ZNF284: variants seen among roughly 807,000 people sequenced by gnomAD.
ZNF284 encodes the protein zinc finger protein 284.
Under a neutral mutation model 12.9 loss-of-function variants are expected in ZNF284, and 12 were observed. The observed-to-expected ratio is 0.93, with a 90% CI of 0.60 to 1.51. The LOEUF (loss-of-function observed/expected upper bound fraction) is 1.51, where lower values mean the gene tolerates loss of function less well. Ranked by LOEUF, ZNF284 falls within the 40% of genes most tolerant of loss-of-function variation. The pLI, the probability that ZNF284 is intolerant of heterozygous loss-of-function variation, is 0.00. For missense variants in ZNF284, 667 were observed against 707.3 expected (o/e 0.94, Z 0.65); for synonymous variants, 225 against 236.5 (o/e 0.95, Z 0.45).
In ZNF284 at chr19:44,086,173, A is replaced by T. The variant is rs772752275; in HGVS notation, c.695A>T (p.Lys232Ile). 1.2e-6 allele frequency: 2 copies of T among 1,614,182 alleles called. No homozygotes were observed. The highest frequency in any genetic ancestry group is 1.7e-6 in the Non-Finnish European group (2 of 1,180,024). ...QRIHTGEKPF[K>I]CEQCGKSFSR... ...ATCCACACTGGAGAGAAACCATTCAAATGTGAGCAGTGTGGGAAAAGTTTC... is the reference window on the plus strand; with the variant it reads ...ATCCACACTGGAGAGAAACCATTCATATGTGAGCAGTGTGGGAAAAGTTTC... Residue 232 changes from lysine (K) to isoleucine (I), a missense_variant, in exon 5 of 5, where the codon AAA becomes ATA. Coordinates refer to ENST00000421176, the MANE Select transcript of ZNF284 (RefSeq NM_001037813.4).
chr19:44,082,829 T>C (rs972341389), intron 4 of ZNF284, among the ~76,000 whole-genome samples: 2 of 152,188 alleles, frequency 1.3e-5, no homozygotes, highest in Non-Finnish European at 2.9e-5. Flanking sequence ...CCCTTGCGAT[T>C]GGATTGGTCA....
Position 44,085,760 on chromosome 19 carries a change from A to C in ZNF284, c.282A>C (p.Pro94=), listed in dbSNP as rs770556107. 2 of 1,614,140 alleles carry C rather than the reference A, an allele frequency of 1.2e-6. No homozygotes were observed. The highest frequency in any genetic ancestry group is 1.7e-6 in the Non-Finnish European group (2 of 1,179,996). ...TELESVPETG[P]HEEWSCQQIW... is the part of the protein sequence containing the mutation. ...TGGAGTCTGTTCCAGAAACAGGACC[A>C]CATGAAGAGTGGTCTTGCCAGCAAA... is the stretch of plus-strand genomic sequence containing the variant. The change falls in exon 5 of 5, where the codon CCA becomes CCC. Residue 94 remains proline, a synonymous_variant. Transcript: ENST00000421176.
At position 44,086,287 on chromosome 19, in the gene ZNF284, A is replaced by C; in HGVS notation, c.809A>C (p.His270Pro). 6.2e-7 allele frequency: 1 copy of C among 1,614,188 alleles called. No homozygotes were observed. Among genetic ancestry groups the C allele is most frequent in the Middle Eastern group, 1.6e-4 (1 of 6,062 alleles). Residue 270 changes from histidine (H) to proline (P), a missense_variant, in exon 5 of 5, where the codon CAC (histidine) becomes CCC (proline). His to Pro is a moderately conservative substitution (Grantham distance 77). Transcript: ENST00000421176. ...ICEECGKAFIHNSQLREHQRI... is the reference protein window; with the variant it reads ...ICEECGKAFIPNSQLREHQRI... ...GAGGAATGTGGGAAGGCCTTCATTCACAATTCCCAGCTTCGGGAACATCAA... is the reference window on the plus strand; with the variant it reads ...GAGGAATGTGGGAAGGCCTTCATTCCCAATTCCCAGCTTCGGGAACATCAA...
chr19:44,081,071 G>A lies in ZNF284; in HGVS notation c.72G>A (p.Leu24=). Residue 24 remains leucine (L), a synonymous_variant, in exon 3 of 5, where the codon CTG becomes CTA. Coordinates refer to ENST00000421176, the MANE Select transcript of ZNF284 (RefSeq NM_001037813.4). ...TCTTCACCGAGGAGGAGCTGGGGCTGCTGGACGTTTCCCAGAGGAAGCTGT... is the reference window on the plus strand; with the variant it reads ...TCTTCACCGAGGAGGAGCTGGGGCTACTGGACGTTTCCCAGAGGAAGCTGT... ...AVVFTEEELG[L]LDVSQRKLYR... 6.2e-7 allele frequency: 1 copy of A among 1,613,156 alleles called. No homozygotes were observed. Among genetic ancestry groups the A allele is most frequent in the Non-Finnish European group, 8.5e-7 (1 of 1,179,402 alleles).
At chr19:44,083,829 G>A (rs1462500971) in intron 4 of ZNF284, among the ~76,000 whole-genome samples, 1 of 152,076 alleles carries the variant, frequency 6.6e-6, no homozygotes, top group Non-Finnish European at 1.5e-5. Flanking sequence ...GGGTGGGCCA[G>A]TCCTGAGGCC....
rs960561907 is a variant in ZNF284, at chr19:44,086,012, T to G, written c.534T>G (p.Asn178Lys). The change falls in exon 5 of 5, where the codon AAT becomes AAG. Residue 178 changes from asparagine to lysine, a missense_variant. Physicochemically the swap from Asn to Lys is moderately conservative, Grantham distance 94. Coordinates refer to ENST00000421176, the MANE Select transcript of ZNF284 (RefSeq NM_001037813.4). Reference protein sequence around the residue: ...LHSGKISHTCNEYRKRFCYSS... With the variant: ...LHSGKISHTCKEYRKRFCYSS... The stretch of plus-strand genomic sequence containing the variant: ...CAGGAAAGATATCCCATACATGTAA[T>G]GAGTACAGGAAGAGATTCTGTTATA... The G allele has an allele frequency of 1.1e-5, 18 of 1,614,046 alleles. No individual in the cohort carries two copies. Among genetic ancestry groups the G allele is most frequent in the Non-Finnish European group, 1.4e-5 (17 of 1,180,034 alleles).
intron 1 of ZNF284, among the ~76,000 whole-genome samples, chr19:44,073,476 G>C (rs926446541): frequency 1.3e-5 from 2 of 152,010 alleles, no homozygotes; most frequent in Non-Finnish European, 2.9e-5. Flanking sequence ...GGAGAAATAC[G>C]AGTAGTACAA....
chr19:44,083,972 A>G (rs569853699), intron 4 of ZNF284, among the ~76,000 whole-genome samples: 1 of 152,302 alleles, frequency 6.6e-6, no homozygotes, highest in African/African-American at 2.4e-5. Flanking sequence ...TTAGGTCTCC[A>G]GACAGCATGC....
chr19:44,077,315 A>G (rs1967046385), intron 2 of ZNF284, among the ~76,000 whole-genome samples: 1 of 152,102 alleles, frequency 6.6e-6, no homozygotes, highest in Non-Finnish European at 1.5e-5. Flanking sequence ...TGTTTTCCCC[A>G]TGCTTAAGTC....
intron 2 of ZNF284, among the ~76,000 whole-genome samples, chr19:44,076,750 C>A (rs1377495850): frequency 2.0e-5 from 3 of 148,850 alleles, no homozygotes; most frequent in Admixed American, 6.7e-5. Context: ...AAATTGTGTT[C>A]TTTGTGTTTA....
At chr19:44,079,850 C>G (rs1967092599) in intron 2 of ZNF284, among the ~76,000 whole-genome samples, 1 of 151,660 alleles carries the variant, frequency 6.6e-6, no homozygotes, top group South Asian at 2.1e-4. Context: ...ATTGCTTGAA[C>G]TGGGGAGGTG....
chr19:44,075,350 C>T (rs1347659070), intron 1 of ZNF284, among the ~76,000 whole-genome samples: 2 of 152,242 alleles, frequency 1.3e-5, no homozygotes, highest in East Asian at 3.9e-4. Context: ...AGTTGTTTTG[C>T]AGAAAGACAT....
chr19:44,083,654 G>T (rs1215394028), intron 4 of ZNF284, among the ~76,000 whole-genome samples: 1 of 151,676 alleles, frequency 6.6e-6, no homozygotes, highest in Non-Finnish European at 1.5e-5. Flanking sequence ...GATTCAGGGG[G>T]TACATGTGCA....
At chr19:44,081,659 C>T (rs1376596257) in intron 3 of ZNF284, among the ~76,000 whole-genome samples, 1 of 152,050 alleles carries the variant, frequency 6.6e-6, no homozygotes, top group African/African-American at 2.4e-5. Context: ...TTGCAGTGAG[C>T]CGAGATCGCA....
intron 2 of ZNF284, among the ~76,000 whole-genome samples, chr19:44,079,485 G>A (rs1182112919): frequency 1.3e-5 from 2 of 151,956 alleles, no homozygotes; most frequent in South Asian, 2.1e-4. Context: ...CAAGGCAGGC[G>A]GATCACGAGG....
At chr19:44,072,981 A>G (rs964158073) in intron 1 of ZNF284, among the ~76,000 whole-genome samples, 3 of 152,174 alleles carry the variant, frequency 2.0e-5, no homozygotes, top group Non-Finnish European at 2.9e-5. Flanking sequence ...TTTTACAGAG[A>G]TGCTCACCCC....
At chr19:44,078,951 C>T (rs1009392631) in intron 2 of ZNF284, among the ~76,000 whole-genome samples, 11 of 151,996 alleles carry the variant, frequency 7.2e-5, no homozygotes, top group African/African-American at 2.4e-4. Context: ...CCACCATGCT[C>T]GGCTAATTTT....
chr19:44,073,714 A>AT (rs1004671077), intron 1 of ZNF284, among the ~76,000 whole-genome samples: 5 of 151,718 alleles, frequency 3.3e-5, no homozygotes, highest in African/African-American at 1.2e-4. Context: ...CGCCCGGCTA[A>AT]TTTTTTTGTA....
At chr19:44,075,242 C>T (rs1967009092) in intron 1 of ZNF284, among the ~76,000 whole-genome samples, 1 of 152,156 alleles carries the variant, frequency 6.6e-6, no homozygotes, top group South Asian at 2.1e-4. Context: ...CAATTTTATG[C>T]ATTGTCTTTA....
Sources: gnomAD v4.1 joint callset for allele counts (sites outside exome capture counted in the v4.1 genomes callset) on GRCh38, gnomAD v4.1.1 for gene constraint, MANE v1.5 for transcripts, NCBI Gene and HGNC (gene_info 2026-07-23, HGNC 2026-07-21) for gene names.